NCMAP: variants seen among roughly 807,000 people sequenced by gnomAD.
The protein encoded by NCMAP is non-compact myelin associated protein, also known as noncompact myelin-associated protein.
A neutral mutation model predicts 7.8 loss-of-function variants in NCMAP; 8 were observed. That is an observed-to-expected ratio of 1.02 (90% CI 0.60 to 1.84). NCMAP has a LOEUF of 1.84. Among genes scored for constraint, NCMAP ranks in the 40% most tolerant of loss-of-function variants. The pLI is 0.00. For missense variants in NCMAP, 112 were observed against 131.4 expected (o/e 0.85, Z 0.72); for synonymous variants, 41 against 52.9 (o/e 0.78, Z 0.98).
intron 1 of NCMAP, among the ~76,000 whole-genome samples, chr1:24,568,022 C>G (rs1020545373): frequency 1.3e-5 from 2 of 152,086 alleles, no homozygotes; most frequent in African/African-American, 2.4e-5. Flanking sequence ...AGGTCACACT[C>G]CCGTGACCGC....
chr1:24,591,863 C>T (rs1652059248), intron 1 of NCMAP, among the ~76,000 whole-genome samples: 1 of 152,218 alleles, frequency 6.6e-6, no homozygotes, highest in South Asian at 2.1e-4. Flanking sequence ...TTAACAGGGC[C>T]AGGCCACAGA....
chr1:24,558,538 G>A (rs769667317), intron 1 of NCMAP, among the ~76,000 whole-genome samples: 1 of 152,132 alleles, frequency 6.6e-6, no homozygotes, highest in African/African-American at 2.4e-5. Flanking sequence ...TCTCAGAGAA[G>A]GATCTAGTGC....
At chr1:24,574,309 G>C (rs866649834) in intron 1 of NCMAP, among the ~76,000 whole-genome samples, 7 of 150,802 alleles carry the variant, frequency 4.6e-5, no homozygotes, top group South Asian at 2.1e-4. Context: ...AGTAGAGACG[G>C]GGTTTCACCA....
In NCMAP at chr1:24,556,152, C is replaced by A. The variant is rs1305479169; in HGVS notation, c.-25C>A. 3 of 152,526 alleles carry A rather than the reference C, an allele frequency of 2.0e-5. No individual in the cohort carries two copies. The highest frequency in any genetic ancestry group is 4.4e-5 in the Non-Finnish European group (3 of 68,036). 9.4% of individuals were successfully genotyped at this position (152,526 alleles called of 1,614,324 possible). A position where few individuals can be genotyped will look rare whatever the true frequency, so the allele number is the denominator to read the frequency against. ...GCGGCGGTGCCGGCGGGAGGCCGAG[C>A]GGGGCTCGACAGAGCAGGTAGGAGG... On this transcript the variant is annotated 5_prime_UTR_variant, in exon 1 of 4. Transcript: ENST00000374392.
rs909349556 is a variant in NCMAP, at chr1:24,608,938, T to G, written c.*3191T>G. The stretch of plus-strand genomic sequence containing the variant: ...TAAAACTAGACTCTTCTGCCCACAG[T>G]GCAGTCTTCTAAGGGTTACCCTCTG... On this transcript the variant is annotated 3_prime_UTR_variant, in exon 4 of 4. Transcript: ENST00000374392. The G allele has an allele frequency of 6.6e-6, 1 of 152,188 alleles. No homozygotes were observed. Among genetic ancestry groups the G allele is most frequent in the Non-Finnish European group, 1.5e-5 (1 of 68,064 alleles). The allele number at this position is 152,188 out of a possible 1,614,324, so 9.4% of individuals were successfully genotyped here.
At chr1:24,599,280 CA>C (rs34709750) in intron 2 of NCMAP, among the ~76,000 whole-genome samples, 26,637 of 101,476 alleles carry the variant, frequency 0.26, 2,192 homozygotes, top group Non-Finnish European at 0.28. Context: ...AACTCCCTCT[CA>C]AAAAAAAAAA....
chr1:24,592,285 T>C (rs1652070722), intron 1 of NCMAP, among the ~76,000 whole-genome samples: 1 of 152,196 alleles, frequency 6.6e-6, no homozygotes, highest in Admixed American at 6.5e-5. Flanking sequence ...CAGAATCATA[T>C]GATCAAACCT....
intron 1 of NCMAP, among the ~76,000 whole-genome samples, chr1:24,558,397 G>C (rs928167581): frequency 6.6e-6 from 1 of 152,154 alleles, no homozygotes. Context: ...GGAGCTTTTG[G>C]CTTTGAGAGA....
At chr1:24,584,681 G>A (rs1472454649) in intron 1 of NCMAP, among the ~76,000 whole-genome samples, 2 of 151,996 alleles carry the variant, frequency 1.3e-5, no homozygotes, top group Admixed American at 1.3e-4. Context: ...TGGGGTGGGC[G>A]GTGGGGTGGG....
intron 1 of NCMAP, among the ~76,000 whole-genome samples, chr1:24,567,567 T>G (rs142938818): frequency 2.4e-4 from 36 of 152,232 alleles, no homozygotes; most frequent in African/African-American, 8.2e-4. Flanking sequence ...ACACTTAATA[T>G]TAACAATTAT....
chr1:24,559,752 A>G (rs1650994966), intron 1 of NCMAP, among the ~76,000 whole-genome samples: 1 of 152,190 alleles, frequency 6.6e-6, no homozygotes, highest in South Asian at 2.1e-4. Context: ...AACAGCCCCG[A>G]GGAGGCAGAG....
In NCMAP at chr1:24,597,617, GAGAAAGAAAGAAAGAAAGAAAGAA is replaced by G. The variant is rs71032831; in HGVS notation, c.82+2139_82+2162del. Reference sequence around the variant, plus strand: ...AAGAAGAAAGAAAGAAAGAAAGAAAGAGAAAGAAAGAAAGAAAGAAAGAAAGAAAGAAAGAAAGAAAGAAAGAAA... The same window carrying G: ...AAGAAGAAAGAAAGAAAGAAAGAAAGAGAAAGAAAGAAAGAAAGAAAGAAA... On this transcript the variant is annotated intron_variant, in intron 2 of 3. Transcript: ENST00000374392. 2.8e-3 allele frequency among the ~76,000 whole-genome samples: 243 copies of G among 87,466 alleles called. 2 individuals carry two copies. Among genetic ancestry groups the G allele is most frequent in the African/African-American group, 0.011 (229 of 21,166 alleles). 57.4% of individuals were successfully genotyped at this position (87,466 alleles called of 152,430 possible). A position where few individuals can be genotyped will look rare whatever the true frequency, so the allele number is the denominator to read the frequency against.
At chr1:24,601,178 G>A (rs1290844919) in intron 3 of NCMAP, among the ~76,000 whole-genome samples, 154 bp downstream of exon 3, 1 of 152,182 alleles carries the variant, frequency 6.6e-6, no homozygotes, top group African/African-American at 2.4e-5. Flanking sequence ...TTTGCAGTCT[G>A]TTCTGTTGAA....
chr1:24,558,828 G>A (rs1010874459), intron 1 of NCMAP, among the ~76,000 whole-genome samples: 4 of 152,064 alleles, frequency 2.6e-5, no homozygotes, highest in South Asian at 2.1e-4. Context: ...AAGCGGTGGC[G>A]TTCTCCAGGA....
chr1:24,557,568 GGGAGT>G (rs2148923406), intron 1 of NCMAP, among the ~76,000 whole-genome samples: 1 of 152,312 alleles, frequency 6.6e-6, no homozygotes, highest in Non-Finnish European at 1.5e-5. Flanking sequence ...ATCAGCCCGT[GGGAGT>G]GGATGATGGG....
In NCMAP at chr1:24,606,070, C is replaced by G. The variant is rs1652716498; in HGVS notation, c.*323C>G. ...GTAGTTAGACAGATAGACAGATAGC[C>G]CAGGAGCCAGGTGTCAGGGAGCACT... On this transcript the variant is annotated 3_prime_UTR_variant, in exon 4 of 4. Coordinates refer to ENST00000374392, the MANE Select transcript of NCMAP (RefSeq NM_001010980.5). 1 of 278,370 alleles carries G rather than the reference C, an allele frequency of 3.6e-6. No homozygotes were observed. Among genetic ancestry groups the G allele is most frequent in the African/African-American group, 2.2e-5 (1 of 46,374 alleles). The allele number at this position is 278,370 out of a possible 1,614,324, so 17.2% of individuals were successfully genotyped here. A position where few individuals can be genotyped will look rare whatever the true frequency, so the allele number is the denominator to read the frequency against.
Position 24,605,872 on chromosome 1 carries a change from C to A in NCMAP, c.*125C>A. On this transcript the variant is annotated 3_prime_UTR_variant, in exon 4 of 4. Transcript: ENST00000374392. The stretch of plus-strand genomic sequence containing the variant: ...GTCAGGTCGACAGAGACATCTTTGA[C>A]GCAATCTCTGATGCTTCCAGCAATC... The A allele has an allele frequency of 8.7e-7, 1 of 1,150,270 alleles. No homozygotes were observed. The highest frequency in any genetic ancestry group is 1.2e-6 in the Non-Finnish European group (1 of 813,910). 71.3% of individuals were successfully genotyped at this position (1,150,270 alleles called of 1,614,324 possible).
chr1:24,597,671 G>GA (rs367826750), intron 2 of NCMAP, among the ~76,000 whole-genome samples: 1,966 of 110,578 alleles, frequency 0.018, 29 homozygotes, highest in Middle Eastern at 0.076. Context: ...AAGAAAGAAA[G>GA]AAAAGAAAAA....
chr1:24,566,433 A>G (rs1425209458), intron 1 of NCMAP, among the ~76,000 whole-genome samples: 1 of 152,156 alleles, frequency 6.6e-6, no homozygotes, highest in Non-Finnish European at 1.5e-5. Flanking sequence ...CTGTCTTTGG[A>G]AACTGCAATT....
Sources: gnomAD v4.1 joint callset for allele counts (sites outside exome capture counted in the v4.1 genomes callset) on GRCh38, gnomAD v4.1.1 for gene constraint, MANE v1.5 for transcripts, NCBI Gene and HGNC (gene_info 2026-07-23, HGNC 2026-07-21) for gene names.